The following PLEKHA2 variants were observed in gnomAD, a reference collection of about 807,000 sequenced individuals.
PLEKHA2 encodes pleckstrin homology domain containing A2, also known as pleckstrin homology domain-containing family A member 2.
Under a neutral mutation model 53.2 loss-of-function variants are expected in PLEKHA2, and 28 were observed. The ratio of observed to expected loss-of-function variants is 0.53; its 90% CI spans 0.39 to 0.72. The LOEUF is 0.72. Among genes scored for constraint, PLEKHA2 ranks in the 30% least tolerant of loss-of-function variants. The pLI, the probability that PLEKHA2 is intolerant of heterozygous loss-of-function variation, is 0.00. For synonymous variants in PLEKHA2, 193 were observed against 196.4 expected (o/e 0.98, Z 0.14); for missense variants, 426 against 537.9 (o/e 0.79, Z 2.06).
intron 3 of PLEKHA2, among the ~76,000 whole-genome samples, chr8:38,940,872 C>T (rs1030455208): frequency 5.4e-5 from 8 of 149,272 alleles, no homozygotes; most frequent in African/African-American, 1.7e-4. Context: ...AATGTACATC[C>T]CTTATTAAAT....
chr8:38,915,851 C>A lies in PLEKHA2; in HGVS notation c.-23-2056C>A, dbSNP rs140199153. Among the ~76,000 whole-genome samples the A allele has an allele frequency of 1.0e-3, 158 of 152,174 alleles. 1 individual carries two copies. The highest frequency in any genetic ancestry group is 3.6e-3 in the African/African-American group (149 of 41,508). On this transcript the variant is annotated intron_variant, in intron 1 of 11. Transcript: ENST00000617275. ...AAATTTTTTATGTTTAATTTTTGTG[C>A]GTACGTAGTAGGTGTATATATTTAT...
At chr8:38,948,756 T>G (rs1453275570) in intron 5 of PLEKHA2, among the ~76,000 whole-genome samples, 1 of 152,172 alleles carries the variant, frequency 6.6e-6, no homozygotes, top group Non-Finnish European at 1.5e-5. Context: ...TCTCTCGAAG[T>G]CCCGGTGACG....
intron 2 of PLEKHA2, among the ~76,000 whole-genome samples, chr8:38,934,128 A>T (rs995861990): frequency 2.6e-5 from 4 of 152,040 alleles, no homozygotes; most frequent in Non-Finnish European, 5.9e-5. Flanking sequence ...AAAGAAAAAG[A>T]AGAAGAGGTA....
chr8:38,926,633 A>C (rs1834294019), intron 2 of PLEKHA2, among the ~76,000 whole-genome samples: 1 of 152,236 alleles, frequency 6.6e-6, no homozygotes, highest in East Asian at 1.9e-4. Flanking sequence ...TCTAAATTAA[A>C]AAAAATTAAA....
chr8:38,973,060 C>T lies in PLEKHA2; in HGVS notation c.*3277C>T, dbSNP rs562359743. 2 of 152,350 alleles carry T rather than the reference C, an allele frequency of 1.3e-5. No homozygotes were observed. The highest frequency in any genetic ancestry group is 2.9e-5 in the Non-Finnish European group (2 of 68,082). The allele number at this position is 152,350 out of a possible 1,614,324, so 9.4% of individuals were successfully genotyped here. A position where few individuals can be genotyped will look rare whatever the true frequency, so the allele number is the denominator to read the frequency against. ...TCAAGTGATCTTCCTGCCTCACAGC[C>T]TCCCAAAGTACTCAGATTATAGGTG... On this transcript the variant is annotated 3_prime_UTR_variant, in exon 12 of 12. Transcript: ENST00000617275.
chr8:38,961,126 C>T (rs961797923), intron 10 of PLEKHA2, among the ~76,000 whole-genome samples: 1 of 152,048 alleles, frequency 6.6e-6, no homozygotes, highest in Non-Finnish European at 1.5e-5. Flanking sequence ...TTTTGAAATT[C>T]TAGTTTTTGC....
intron 10 of PLEKHA2, among the ~76,000 whole-genome samples, chr8:38,965,467 G>A (rs756319887): frequency 3.4e-4 from 51 of 152,158 alleles, no homozygotes; most frequent in Non-Finnish European, 5.6e-4. Flanking sequence ...TAATGAAAAT[G>A]TCAGATCTCC....
In PLEKHA2 at chr8:38,952,406, G is replaced by A. The variant is rs1384168478; in HGVS notation, c.633+94G>A. ...CAGAGGTGAGAGGGGATTGACAGGA[G>A]GTGCCTCAGTCCTCCATGGAGCCTC... On this transcript the variant is annotated intron_variant, in intron 7 of 11. Coordinates refer to ENST00000617275, the MANE Select transcript of PLEKHA2 (RefSeq NM_021623.2). 10 of 1,505,320 alleles carry A rather than the reference G, an allele frequency of 6.6e-6. No individual in the cohort carries two copies. The African/African-American group carries it at 1.2e-4, about 19-fold the overall frequency. The allele number at this position is 1,505,320 out of a possible 1,614,324, so 93.2% of individuals were successfully genotyped here. A position where few individuals can be genotyped will look rare whatever the true frequency, so the allele number is the denominator to read the frequency against.
At chr8:38,914,797 G>A (rs1034710495) in intron 1 of PLEKHA2, among the ~76,000 whole-genome samples, 1 of 152,214 alleles carries the variant, frequency 6.6e-6, no homozygotes, top group Non-Finnish European at 1.5e-5. Flanking sequence ...CTCTCAGAGA[G>A]GCCTAAGAAA....
chr8:38,943,103 C>A (rs991027106), intron 3 of PLEKHA2, among the ~76,000 whole-genome samples: 1 of 151,876 alleles, frequency 6.6e-6, no homozygotes, highest in African/African-American at 2.4e-5. Flanking sequence ...AGAGGGTTGG[C>A]GGTTGAAAGA....
At chr8:38,969,124 C>T (rs1020777535) in intron 11 of PLEKHA2, 26 of 390,284 alleles carry the variant, frequency 6.7e-5, no homozygotes, top group Non-Finnish European at 1.9e-5. Flanking sequence ...TGATCTCAAA[C>T]TCCTGACCTC....
chr8:38,959,400 C>T (rs754325505), intron 10 of PLEKHA2, among the ~76,000 whole-genome samples: 23 of 152,114 alleles, frequency 1.5e-4, no homozygotes, highest in East Asian at 9.6e-4. Context: ...TTGAAGAGCT[C>T]GTATTTTATC....
intron 1 of PLEKHA2, among the ~76,000 whole-genome samples, chr8:38,916,914 C>T (rs1427726564): frequency 6.6e-6 from 1 of 152,178 alleles, no homozygotes; most frequent in African/African-American, 2.4e-5. Flanking sequence ...TCCCTTTTCT[C>T]CACTTCCTCA....
At chr8:38,910,665 G>T (rs1833941730) in intron 1 of PLEKHA2, among the ~76,000 whole-genome samples, 1 of 152,152 alleles carries the variant, frequency 6.6e-6, no homozygotes, top group Admixed American at 6.6e-5. Context: ...ATCATAGCCT[G>T]TGATCTCATA....
At chr8:38,960,435 C>T (rs563634792) in intron 10 of PLEKHA2, among the ~76,000 whole-genome samples, 81 of 152,114 alleles carry the variant, frequency 5.3e-4, no homozygotes, top group African/African-American at 1.7e-3. Flanking sequence ...GCTATGATCT[C>T]GCCACTGCAC....
chr8:38,922,533 C>T lies in PLEKHA2; in HGVS notation c.141+4463C>T, dbSNP rs146419528. Among the ~76,000 whole-genome samples the T allele has an allele frequency of 6.7e-3, 1,027 of 152,306 alleles. 14 individuals are homozygous for T. The highest frequency in any genetic ancestry group is 0.023 in the African/African-American group (972 of 41,552). Reference sequence around the variant, plus strand: ...TTCCTATGAAAAGAGGCATTGAGAACTGTGTGTGGTCGTTGAACATCTTTA... The same window carrying T: ...TTCCTATGAAAAGAGGCATTGAGAATTGTGTGTGGTCGTTGAACATCTTTA... On this transcript the variant is annotated intron_variant, in intron 2 of 11. Transcript: ENST00000617275. This position sits in a 1 kb window ranked among gnomAD's most constrained non-coding sequence, Gnocchi z 4.0.
At chr8:38,944,931 ATGT>A (rs145686112) in intron 4 of PLEKHA2, among the ~76,000 whole-genome samples, 27,880 of 152,190 alleles carry the variant, frequency 0.18, 2,956 homozygotes, top group Non-Finnish European at 0.25. Flanking sequence ...GAGCTGAGAA[ATGT>A]TGTGCTCAGA....
At chr8:38,968,531 A>G in intron 10 of PLEKHA2, 61 bp from the exon 11 acceptor site, 3 of 1,520,944 alleles carry the variant, frequency 2.0e-6, no homozygotes, top group Non-Finnish European at 2.7e-6. Context: ...TGAGTCAGAG[A>G]CTTGGAAGCT....
intron 1 of PLEKHA2, among the ~76,000 whole-genome samples, chr8:38,906,109 T>G (rs1833869443): frequency 6.6e-6 from 1 of 152,254 alleles, no homozygotes; most frequent in African/African-American, 2.4e-5. Flanking sequence ...GGAAGCCCAA[T>G]AGTGAAACCG....
Sources: gnomAD v4.1 joint callset for allele counts (sites outside exome capture counted in the v4.1 genomes callset) on GRCh38, gnomAD v4.1.1 for gene constraint, Gnocchi (gnomAD v3.1) non-coding constraint, MANE v1.5 for transcripts, NCBI Gene and HGNC (gene_info 2026-07-23, HGNC 2026-07-21) for gene names.